STAB2: variants seen among roughly 807,000 people sequenced by gnomAD.
STAB2 encodes the protein stabilin 2.
STAB2 carries 288 observed loss-of-function variants against 338.1 expected under a neutral mutation model. The observed-to-expected ratio is 0.85, with a 90% CI of 0.77 to 0.94. STAB2 has a LOEUF of 0.94. Among genes scored for constraint, STAB2 ranks in the 40% least tolerant of loss-of-function variants. The pLI is 0.00. For synonymous variants in STAB2, 1,202 were observed against 1,193.3 expected (o/e 1.01, Z -0.15); for missense variants, 3,141 against 3,210.1 (o/e 0.98, Z 0.52).
At chr12:103,638,646 A>G (rs1957591590) in intron 8 of STAB2, among the ~76,000 whole-genome samples, 1 of 152,228 alleles carries the variant, frequency 6.6e-6, no homozygotes, top group Non-Finnish European at 1.5e-5. Flanking sequence ...GTCAGGCAGC[A>G]CTGATAGATT....
chr12:103,659,604 C>T (rs1299526543), intron 15 of STAB2, among the ~76,000 whole-genome samples: 1 of 152,226 alleles, frequency 6.6e-6, no homozygotes, highest in Non-Finnish European at 1.5e-5. Context: ...GTGGTCACTG[C>T]CTTCTTCTCA....
At chr12:103,687,807 G>A (rs74574690) in intron 27 of STAB2, among the ~76,000 whole-genome samples, 1 of 152,150 alleles carries the variant, frequency 6.6e-6, no homozygotes, top group Non-Finnish European at 1.5e-5. Flanking sequence ...TCTGAAAGGG[G>A]GCTATTTGCT....
In STAB2 at chr12:103,762,386, G is replaced by C. The variant is rs375383044; in HGVS notation, c.7472G>C (p.Gly2491Ala). Residue 2491 changes from glycine to alanine, a missense_variant, in exon 67 of 69, where the codon GGC becomes GCC. Transcript: ENST00000388887. ...TTTCGGATAAACCGGAGAACAATCG[G>C]CTTCCAGCATTTTGAGGTAAGAGAG... is the stretch of plus-strand genomic sequence containing the variant. Reference protein sequence around the residue: ...SYFRINRRTIGFQHFESEEDI... With the variant: ...SYFRINRRTIAFQHFESEEDI... 13 of 1,614,110 alleles carry C rather than the reference G, an allele frequency of 8.1e-6. No individual in the cohort carries two copies. Among genetic ancestry groups the C allele is most frequent in the Non-Finnish European group, 1.1e-5 (13 of 1,180,054 alleles).
At chr12:103,650,805 G>C (rs558264531) in intron 11 of STAB2, among the ~76,000 whole-genome samples, 1 of 152,280 alleles carries the variant, frequency 6.6e-6, no homozygotes, top group East Asian at 1.9e-4. Context: ...ACCTACTTGT[G>C]TAAACACCAA....
chr12:103,765,920 T>C, intron 68 of STAB2: 1 of 358,602 alleles, frequency 2.8e-6, no homozygotes, highest in Non-Finnish European at 5.5e-6. Context: ...CCGAAAGGAG[T>C]TTTTATAATA....
intron 3 of STAB2, among the ~76,000 whole-genome samples, chr12:103,609,254 T>C (rs1440213006): frequency 6.6e-6 from 1 of 152,220 alleles, no homozygotes; most frequent in Non-Finnish European, 1.5e-5. Flanking sequence ...GGGGATGGCA[T>C]TGAATCTATA....
At chr12:103,761,476 A>G (rs969796857) in intron 66 of STAB2, 66 bp downstream of exon 66, 52 of 1,400,398 alleles carry the variant, frequency 3.7e-5, no homozygotes, top group Non-Finnish European at 5.0e-5. Flanking sequence ...CAACAGGCAA[A>G]CCATTACCAG....
At chr12:103,616,850 G>A (rs1957218454) in intron 3 of STAB2, among the ~76,000 whole-genome samples, 1 of 152,218 alleles carries the variant, frequency 6.6e-6, no homozygotes, top group Non-Finnish European at 1.5e-5. Context: ...GATTTATGAA[G>A]ATGCTCTCTT....
Position 103,703,183 on chromosome 12 carries a change from T to G in STAB2, c.3750T>G (p.Asn1250Lys). 6.2e-7 allele frequency: 1 copy of G among 1,613,988 alleles called. No individual in the cohort carries two copies. Among genetic ancestry groups the G allele is most frequent in the Non-Finnish European group, 8.5e-7 (1 of 1,180,004 alleles). The change falls in exon 35 of 69, where the codon AAT (asparagine) becomes AAG (lysine). Residue 1250 changes from asparagine to lysine, a missense_variant. By Grantham distance (94) the Asn-to-Lys change is moderately conservative. Transcript: ENST00000388887. Reference protein sequence around the residue: ...YVNEAPINYTNVATDKGVIHG... With the variant: ...YVNEAPINYTKVATDKGVIHG... ...ATGAGGCTCCAATAAACTACACCAA[T>G]GTAGCCACTGATAAGGGAGTGATCC...
chr12:103,685,101 G>T lies in STAB2; in HGVS notation c.2997+17G>T, dbSNP rs564285176. The stretch of plus-strand genomic sequence containing the variant: ...GCAGCAGTGGTAAGTCATCGATGAT[G>T]AACTCAATAATATAGACAAAACCCT... On this transcript the variant is annotated intron_variant, in intron 27 of 68. Coordinates refer to ENST00000388887, the MANE Select transcript of STAB2 (RefSeq NM_017564.10). 4 of 1,610,468 alleles carry T rather than the reference G, an allele frequency of 2.5e-6. No individual in the cohort carries two copies. In the East Asian group the frequency reaches 6.7e-5, roughly 27 times the overall value.
chr12:103,732,458 C>A (rs1010605147), intron 50 of STAB2, among the ~76,000 whole-genome samples: 2 of 152,192 alleles, frequency 1.3e-5, no homozygotes, highest in Non-Finnish European at 2.9e-5. Context: ...ATACTCAACC[C>A]TGAGCAGTCA....
At chr12:103,697,933 G>A (rs1399225154) in intron 33 of STAB2, among the ~76,000 whole-genome samples, 1 of 152,184 alleles carries the variant, frequency 6.6e-6, no homozygotes, top group Non-Finnish European at 1.5e-5. Flanking sequence ...GAGGGTCTCT[G>A]TGGGTCTGAG....
chr12:103,705,707 AAAT>A lies in STAB2; in HGVS notation c.3977_3979del (p.Lys1326_Cys1327delinsSer), dbSNP rs1879287275. Reference sequence around the variant, plus strand: ...AACCCTGTTTATTGGGTGCCAGCCAAAATGTGTGAGAACCGTCATTGTGAGTAC... The same window carrying A: ...AACCCTGTTTATTGGGTGCCAGCCAAGTGTGAGAACCGTCATTGTGAGTAC... On this transcript the variant is annotated inframe_deletion, in exon 37 of 69. Coordinates refer to ENST00000388887, the MANE Select transcript of STAB2 (RefSeq NM_017564.10). 6.2e-7 allele frequency: 1 copy of A among 1,614,230 alleles called. No homozygotes were observed. Among genetic ancestry groups the A allele is most frequent in the Admixed American group, 1.7e-5 (1 of 60,030 alleles).
intron 9 of STAB2, among the ~76,000 whole-genome samples, chr12:103,643,924 T>C (rs1339434006): frequency 1.9e-4 from 10 of 53,398 alleles, no homozygotes; most frequent in African/African-American, 2.4e-4. Context: ...GGAGCCCCTC[T>C]GCCCGGCCAG....
intron 31 of STAB2, among the ~76,000 whole-genome samples, chr12:103,693,399 T>C (rs1447088585): frequency 2.0e-5 from 3 of 151,856 alleles, no homozygotes; most frequent in African/African-American, 4.8e-5. Context: ...TTCAAGCCAC[T>C]GCACTCCAGC....
chr12:103,609,097 GTA>G (rs1314421963), intron 3 of STAB2, among the ~76,000 whole-genome samples: 1 of 152,172 alleles, frequency 6.6e-6, no homozygotes, highest in Admixed American at 6.5e-5. Context: ...TAGCCTTGTA[GTA>G]TAGTTTGAAG....
intron 12 of STAB2, among the ~76,000 whole-genome samples, chr12:103,654,270 A>G (rs562859163): frequency 6.6e-6 from 1 of 152,350 alleles, no homozygotes; most frequent in East Asian, 1.9e-4. Context: ...TTTTGTCCTT[A>G]TGAAGCTTGC....
intron 21 of STAB2, 75 bp downstream of exon 21, chr12:103,669,702 A>G (rs777984331): frequency 6.9e-5 from 92 of 1,333,890 alleles, no homozygotes; most frequent in Non-Finnish European, 9.1e-5. Context: ...AAAATGTGAT[A>G]TAATGCCAGC....
chr12:103,695,073 A>G (rs190611995), intron 31 of STAB2, among the ~76,000 whole-genome samples: 76 of 152,334 alleles, frequency 5.0e-4, no homozygotes, highest in Non-Finnish European at 2.9e-4. Context: ...ACATTTTTAC[A>G]AGCCAGATTC....
Sources: gnomAD v4.1 joint callset for allele counts (sites outside exome capture counted in the v4.1 genomes callset) on GRCh38, gnomAD v4.1.1 for gene constraint, MANE v1.5 for transcripts, NCBI Gene and HGNC (gene_info 2026-07-23, HGNC 2026-07-21) for gene names.